Variants in PCDHGA11 observed in about 807,000 individuals in gnomAD.
The protein encoded by PCDHGA11 is protocadherin gamma subfamily A, 11.
A neutral mutation model predicts 60.4 loss-of-function variants in PCDHGA11; 39 were observed. The observed-to-expected ratio is 0.65, with a 90% CI of 0.50 to 0.84. The LOEUF is 0.84. PCDHGA11 is among the 40% of genes least tolerant of loss of function. The pLI, the probability that PCDHGA11 is intolerant of heterozygous loss-of-function variation, is 0.00. For missense variants in PCDHGA11, 1,165 were observed against 1,197.7 expected (o/e 0.97, Z 0.40); for synonymous variants, 533 against 510.3 (o/e 1.04, Z -0.60).
At position 141,493,666 on chromosome 5, in the gene PCDHGA11, C is replaced by T. The variant is rs1475584876; in HGVS notation, c.2434-1141C>T. On this transcript the variant is annotated intron_variant, in intron 1 of 3. Transcript: ENST00000398587. The surrounding 1 kb of genome is among the most constrained non-coding windows in gnomAD (Gnocchi z 4.3). ...GCCATCCCTGTGCCCTTCTCCATGG[C>T]AGCCCCAGAATGGTGCTGGTGACTC... 6.6e-6 allele frequency among the ~76,000 whole-genome samples: 1 copy of T among 152,176 alleles called. No individual in the cohort carries two copies. The highest frequency in any genetic ancestry group is 1.5e-5 in the Non-Finnish European group (1 of 68,028).
At chr5:141,504,203 A>G (rs2099836487) in intron 2 of PCDHGA11, among the ~76,000 whole-genome samples, 1 of 152,248 alleles carries the variant, frequency 6.6e-6, no homozygotes, top group Non-Finnish European at 1.5e-5. Context: ...TCACTGTGGG[A>G]AAATTCCAAG....
At chr5:141,426,844 A>C (rs1397752566) in intron 1 of PCDHGA11, 1 of 456,628 alleles carries the variant, frequency 2.2e-6, no homozygotes, top group Non-Finnish European at 4.4e-6. Context: ...ACTAAAGGCA[A>C]GAACGCTCCA....
chr5:141,507,113 C>G (rs1401559943), intron 3 of PCDHGA11: 1 of 152,220 alleles, frequency 6.6e-6, no homozygotes, highest in Non-Finnish European at 1.5e-5. Context: ...GGGACCATGG[C>G]TGCCTTTGGA....
chr5:141,479,000 T>C (rs2099485433), intron 1 of PCDHGA11, among the ~76,000 whole-genome samples: 1 of 152,244 alleles, frequency 6.6e-6, no homozygotes, highest in Non-Finnish European at 1.5e-5. Flanking sequence ...TTAAAACTAA[T>C]AGCTTTTTGA....
chr5:141,491,709 C>T lies in PCDHGA11; in HGVS notation c.2434-3098C>T, dbSNP rs2099725685. On this transcript the variant is annotated intron_variant, in intron 1 of 3. Coordinates refer to ENST00000398587, the MANE Select transcript of PCDHGA11 (RefSeq NM_018914.3). The surrounding 1 kb of genome is among the most constrained non-coding windows in gnomAD (Gnocchi z 6.9). The stretch of plus-strand genomic sequence containing the variant: ...TGCGGGAGCGGAGCCAGGTGAGGGG[C>T]TCGGCGCCGCCCCGGGCGACCCCTG... 6.2e-7 allele frequency: 1 copy of T among 1,610,156 alleles called. No homozygotes were observed. Among genetic ancestry groups the T allele is most frequent in the Non-Finnish European group, 8.5e-7 (1 of 1,178,376 alleles).
intron 2 of PCDHGA11, among the ~76,000 whole-genome samples, chr5:141,497,478 C>T (rs974494984): frequency 6.0e-5 from 9 of 150,954 alleles, no homozygotes; most frequent in South Asian, 4.2e-4. Context: ...GGAGAAGGTG[C>T]GGAACCTCTC....
Position 141,431,560 on chromosome 5 carries a change from C to G in PCDHGA11, c.2433+7900C>G, listed in dbSNP as rs751276470. The G allele has an allele frequency of 6.2e-7, 1 of 1,613,986 alleles. No individual in the cohort carries two copies. The highest frequency in any genetic ancestry group is 1.7e-5 in the Admixed American group (1 of 60,016). On this transcript the variant is annotated intron_variant, in intron 1 of 3. Transcript: ENST00000398587. This position sits in a 1 kb window ranked among gnomAD's most constrained non-coding sequence, Gnocchi z 4.8. Reference sequence around the variant, plus strand: ...CGCAGCTGCTTGTAGTCAACGCTACCGACCCTGACGAAGGAGTCAATGCGG... The same window carrying G: ...CGCAGCTGCTTGTAGTCAACGCTACGGACCCTGACGAAGGAGTCAATGCGG...
intron 2 of PCDHGA11, among the ~76,000 whole-genome samples, chr5:141,503,963 C>T (rs900066192): frequency 7.2e-5 from 11 of 152,188 alleles, no homozygotes; most frequent in Admixed American, 6.5e-4. Flanking sequence ...ACAGCCTTTC[C>T]CATGGTGCCA....
At chr5:141,482,513 A>C (rs552094845) in intron 1 of PCDHGA11, among the ~76,000 whole-genome samples, 1 of 143,798 alleles carries the variant, frequency 7.0e-6, no homozygotes, top group East Asian at 2.1e-4. Flanking sequence ...CCCAGAGTAC[A>C]GTATGAGACA....
intron 2 of PCDHGA11, among the ~76,000 whole-genome samples, chr5:141,497,832 G>A (rs1326640712): frequency 1.3e-5 from 2 of 151,992 alleles, no homozygotes; most frequent in Non-Finnish European, 2.9e-5. Context: ...GATCGCCCCC[G>A]GCCACAACAA....
At chr5:141,427,863 G>A (rs769808388) in intron 1 of PCDHGA11, 1 of 1,557,316 alleles carries the variant, frequency 6.4e-7, no homozygotes, top group Non-Finnish European at 8.8e-7. Context: ...GTGCGCCTTC[G>A]AGCTCACGAT....
At chr5:141,446,968 G>A (rs1052445705) in intron 1 of PCDHGA11, among the ~76,000 whole-genome samples, 12 of 152,050 alleles carry the variant, frequency 7.9e-5, no homozygotes, top group African/African-American at 2.4e-4. Flanking sequence ...AGGGAAATTT[G>A]CTGTCTAATT....
At position 141,485,831 on chromosome 5, in the gene PCDHGA11, C is replaced by A; in HGVS notation, c.2434-8976C>A. The A allele has an allele frequency of 6.2e-7, 1 of 1,614,080 alleles. No individual in the cohort carries two copies. Among genetic ancestry groups the A allele is most frequent in the Non-Finnish European group, 8.5e-7 (1 of 1,180,026 alleles). ...GCTGACTGCTGTCGATGGAGGGAAC[C>A]CGCCGAGATCTGGCACCGCAGAGCT... On this transcript the variant is annotated intron_variant, in intron 1 of 3. Coordinates refer to ENST00000398587, the MANE Select transcript of PCDHGA11 (RefSeq NM_018914.3). The surrounding 1 kb of genome is among the most constrained non-coding windows in gnomAD (Gnocchi z 5.7).
rs768079276 is a variant in PCDHGA11, at chr5:141,490,997, G to A, written c.2434-3810G>A. On this transcript the variant is annotated intron_variant, in intron 1 of 3. Transcript: ENST00000398587. The surrounding 1 kb of genome is among the most constrained non-coding windows in gnomAD (Gnocchi z 5.4). ...CGTCTCCCTCGCTCTGCTCCTCCTG[G>A]CTCCTTGGTCACCAAGGTGACAGCC... 1.2e-6 allele frequency: 2 copies of A among 1,614,032 alleles called. No individual in the cohort carries two copies. Among genetic ancestry groups the A allele is most frequent in the Admixed American group, 1.7e-5 (1 of 60,030 alleles).
At chr5:141,446,822 A>G (rs976227044) in intron 1 of PCDHGA11, among the ~76,000 whole-genome samples, 1 of 152,206 alleles carries the variant, frequency 6.6e-6, no homozygotes, top group African/African-American at 2.4e-5. Flanking sequence ...TCAGATGGGT[A>G]GATCCTTATA....
At position 141,494,880 on chromosome 5, in the gene PCDHGA11, C is replaced by G. The variant is rs950094823; in HGVS notation, c.2492+15C>G. On this transcript the variant is annotated intron_variant, in intron 2 of 3. Transcript: ENST00000398587. ...GGCACCAGCGGGTAGGTGACTGATT[C>G]TCCAGCCCACCCTCTTCTCTGCGGC... The G allele has an allele frequency of 3.7e-6, 6 of 1,614,040 alleles. No individual in the cohort carries two copies. The African/African-American group carries it at 6.7e-5, about 18-fold the overall frequency.
chr5:141,497,323 G>A lies in PCDHGA11; in HGVS notation c.2492+2458G>A, dbSNP rs373068300. Reference sequence around the variant, plus strand: ...CAGGCCATACACTGGCTTTGAAGCAGAATTCACCATTGAACCTGGAAGCCC... The same window carrying A: ...CAGGCCATACACTGGCTTTGAAGCAAAATTCACCATTGAACCTGGAAGCCC... On this transcript the variant is annotated intron_variant, in intron 2 of 3. Transcript: ENST00000398587. 1.2e-4 allele frequency among the ~76,000 whole-genome samples: 19 copies of A among 152,204 alleles called. No homozygotes were observed. In the East Asian group the frequency reaches 3.5e-3, roughly 28 times the overall value.
chr5:141,447,235 G>T (rs1458489257), intron 1 of PCDHGA11, among the ~76,000 whole-genome samples: 1 of 152,084 alleles, frequency 6.6e-6, no homozygotes, highest in Non-Finnish European at 1.5e-5. Flanking sequence ...CGCCTCCCGG[G>T]TTCAAGTGAT....
chr5:141,458,390 C>T (rs2098944487), intron 1 of PCDHGA11, among the ~76,000 whole-genome samples: 1 of 152,058 alleles, frequency 6.6e-6, no homozygotes, highest in Non-Finnish European at 1.5e-5. Context: ...GAAGACGCTC[C>T]CCCTTGCAGA....
Sources: gnomAD v4.1 joint callset for allele counts (sites outside exome capture counted in the v4.1 genomes callset) on GRCh38, gnomAD v4.1.1 for gene constraint, Gnocchi (gnomAD v3.1) non-coding constraint, MANE v1.5 for transcripts, NCBI Gene and HGNC (gene_info 2026-07-23, HGNC 2026-07-21) for gene names.